Variants in DNM3 observed in about 807,000 individuals in gnomAD.
The protein encoded by DNM3 is dynamin 3.
DNM3 carries 47 observed loss-of-function variants against 101.6 expected under a neutral mutation model. The observed-to-expected ratio is 0.46, with a 90% CI of 0.37 to 0.59. DNM3 has a LOEUF of 0.59. Ranked by LOEUF, DNM3 falls within the 20% of genes least tolerant of loss-of-function variation. DNM3 has a pLI of 0.00. For missense variants in DNM3, 849 were observed against 1,085.7 expected, an observed-to-expected ratio of 0.78 and a Z score of 3.06; for synonymous variants, 385 against 387.9, an observed-to-expected ratio of 0.99 and a Z score of 0.09.
At chr1:172,068,394 G>A (rs1255251452) in intron 10 of DNM3, among the ~76,000 whole-genome samples, 1 of 152,158 alleles carries the variant, frequency 6.6e-6, no homozygotes, top group Non-Finnish European at 1.5e-5. Context: ...TTTTCTGATT[G>A]CTGTGAATAG....
chr1:172,215,211 T>C (rs2148537972), intron 14 of DNM3, among the ~76,000 whole-genome samples: 1 of 152,228 alleles, frequency 6.6e-6, no homozygotes. Context: ...GCAGAGACCA[T>C]GTCTATTGCA....
intron 2 of DNM3, among the ~76,000 whole-genome samples, chr1:171,973,663 C>G (rs1245563570): frequency 6.6e-6 from 1 of 150,910 alleles, no homozygotes; most frequent in Non-Finnish European, 1.5e-5. Flanking sequence ...ATGGGTCTGA[C>G]TCCAAAATCT....
intron 14 of DNM3, among the ~76,000 whole-genome samples, chr1:172,208,782 T>G (rs1190235443): frequency 6.6e-6 from 1 of 152,132 alleles, no homozygotes; most frequent in Non-Finnish European, 1.5e-5. Context: ...CTTAGTCTCT[T>G]GGAAGTCATA....
At chr1:172,333,211 C>T (rs897566585) in intron 17 of DNM3, among the ~76,000 whole-genome samples, 1 of 151,984 alleles carries the variant, frequency 6.6e-6, no homozygotes, top group Admixed American at 6.6e-5. Context: ...TTTGTTAATG[C>T]GTTCATGTAT....
intron 14 of DNM3, among the ~76,000 whole-genome samples, chr1:172,252,497 G>A (rs1459004707): frequency 6.6e-6 from 1 of 152,038 alleles, no homozygotes; most frequent in African/African-American, 2.4e-5. Context: ...ATTTCCCATG[G>A]GCATTAATAG....
chr1:171,921,778 A>T lies in DNM3; in HGVS notation c.192A>T (p.Val64=). 6.2e-7 allele frequency: 1 copy of T among 1,601,822 alleles called. No homozygotes were observed. The highest frequency in any genetic ancestry group is 2.2e-5 in the East Asian group (1 of 44,598). The change falls in exon 2 of 21, where the codon GTA becomes GTT. Residue 64 remains valine, a synonymous_variant. Coordinates refer to ENST00000627582, the MANE Select transcript of DNM3 (RefSeq NM_015569.5). ...TTCTCCCTCGAGGGTCGGGCATTGT[A>T]ACAAGACGACCTCTTGTGCTGCAGC... ...RDFLPRGSGI[V]TRRPLVLQLV... is the part of the protein sequence containing the mutation.
chr1:172,068,593 C>G (rs935769694), intron 10 of DNM3, among the ~76,000 whole-genome samples: 1 of 152,132 alleles, frequency 6.6e-6, no homozygotes, highest in Non-Finnish European at 1.5e-5. Context: ...AGGAATTGCT[C>G]TGCTGGTTTT....
chr1:171,852,872 C>G (rs942517070), intron 1 of DNM3, among the ~76,000 whole-genome samples: 4 of 151,630 alleles, frequency 2.6e-5, no homozygotes, highest in African/African-American at 9.7e-5. Context: ...AACAAAAGGA[C>G]TTTGAAGGTT....
intron 15 of DNM3, among the ~76,000 whole-genome samples, chr1:172,281,828 G>A (rs2063502279): frequency 6.6e-6 from 1 of 151,826 alleles, no homozygotes; most frequent in Non-Finnish European, 1.5e-5. Context: ...TTTGGGTGAT[G>A]GATAGTCCGG....
chr1:172,337,433 GAGA>G (rs1457496009), intron 17 of DNM3, among the ~76,000 whole-genome samples: 1 of 152,190 alleles, frequency 6.6e-6, no homozygotes, highest in African/African-American at 2.4e-5. Context: ...TTAAAAAGAA[GAGA>G]AGAAGATTCC....
chr1:172,245,504 C>T (rs1307384167), intron 14 of DNM3, among the ~76,000 whole-genome samples: 2 of 152,216 alleles, frequency 1.3e-5, no homozygotes, highest in Non-Finnish European at 2.9e-5. Flanking sequence ...ATGGTGGGAG[C>T]TTCTGATGGC....
chr1:171,939,125 T>G lies in DNM3; in HGVS notation c.235+17304T>G, dbSNP rs114310158. On this transcript the variant is annotated intron_variant, in intron 2 of 20. Coordinates refer to ENST00000627582, the MANE Select transcript of DNM3 (RefSeq NM_015569.5). ...TTACACATTTATTAATAGACAAAAT[T>G]TCTAGTAGTCAATTATGTACCTTCC... is the stretch of plus-strand genomic sequence containing the variant. 2.3e-3 allele frequency among the ~76,000 whole-genome samples: 349 copies of G among 152,260 alleles called. 7 individuals carry two copies. Among genetic ancestry groups the G allele is most frequent in the African/African-American group, 7.5e-3 (311 of 41,562 alleles).
At chr1:172,023,822 C>T (rs1047565762) in intron 4 of DNM3, among the ~76,000 whole-genome samples, 1 of 148,356 alleles carries the variant, frequency 6.7e-6, no homozygotes, top group African/African-American at 2.5e-5. Flanking sequence ...TCTTCTGGGC[C>T]ATTTCTCTAG....
At chr1:172,352,533 A>G (rs1357345758) in intron 17 of DNM3, among the ~76,000 whole-genome samples, 1 of 152,208 alleles carries the variant, frequency 6.6e-6, no homozygotes, top group Non-Finnish European at 1.5e-5. Flanking sequence ...TAAACAAACT[A>G]TACTAAAATT....
At position 171,992,809 on chromosome 1, in the gene DNM3, C is replaced by G. The variant is rs566450036; in HGVS notation, c.589+3661C>G. Among the ~76,000 whole-genome samples, 5 of 151,732 alleles carry G rather than the reference C, an allele frequency of 3.3e-5. No homozygotes were observed. In the East Asian group the frequency reaches 9.7e-4, roughly 29 times the overall value. ...TGTTTCTCTATTTCTCTGCTACTAT[C>G]TCCTTTTGTGTTAAATATTTATTTT... On this transcript the variant is annotated intron_variant, in intron 4 of 20. Coordinates refer to ENST00000627582, the MANE Select transcript of DNM3 (RefSeq NM_015569.5).
chr1:172,292,203 AT>A (rs977957332), intron 15 of DNM3, among the ~76,000 whole-genome samples: 20 of 152,182 alleles, frequency 1.3e-4, no homozygotes, highest in African/African-American at 4.8e-4. Flanking sequence ...TATATAATCC[AT>A]TTTTCATTAT....
At chr1:172,287,691 G>A (rs535351505) in intron 15 of DNM3, among the ~76,000 whole-genome samples, 1 of 151,820 alleles carries the variant, frequency 6.6e-6, no homozygotes, top group East Asian at 1.9e-4. Flanking sequence ...TGAGACAACA[G>A]GCAACGGTCA....
At chr1:172,169,322 C>T (rs1459896134) in intron 14 of DNM3, among the ~76,000 whole-genome samples, 2 of 151,876 alleles carry the variant, frequency 1.3e-5, no homozygotes, top group Non-Finnish European at 2.9e-5. Flanking sequence ...TCCTAATTAC[C>T]CCAAGTCCTG....
intron 17 of DNM3, among the ~76,000 whole-genome samples, chr1:172,352,808 C>G (rs2067256628): frequency 6.6e-6 from 1 of 152,138 alleles, no homozygotes; most frequent in Non-Finnish European, 1.5e-5. Flanking sequence ...CTGGAAGACC[C>G]ATATGCACCA....
Sources: gnomAD v4.1 joint callset for allele counts (sites outside exome capture counted in the v4.1 genomes callset) on GRCh38, gnomAD v4.1.1 for gene constraint, MANE v1.5 for transcripts, NCBI Gene and HGNC (gene_info 2026-07-23, HGNC 2026-07-21) for gene names.